Variants in NTRK3 observed in about 807,000 individuals in gnomAD.
NTRK3 encodes neurotrophic receptor tyrosine kinase 3.
Under a neutral mutation model 91.7 loss-of-function variants are expected in NTRK3, and 24 were observed. That is an observed-to-expected ratio of 0.26 (90% CI 0.19 to 0.37). The LOEUF (loss-of-function observed/expected upper bound fraction) is 0.37. Among genes scored for constraint, NTRK3 ranks in the 10% least tolerant of loss-of-function variants. NTRK3 has a pLI of 1.00. For missense variants in NTRK3, 880 were observed against 1,068.9 expected, an observed-to-expected ratio of 0.82 and a Z score of 2.46; for synonymous variants, 483 against 404.0, an observed-to-expected ratio of 1.20 and a Z score of -2.34.
At chr15:87,869,781 T>C (rs2064775955) in exon 19 of NTRK3, 1 of 202,792 alleles carries the variant, frequency 4.9e-6, no homozygotes, top group Non-Finnish European at 1.0e-5. Context: ...CTCAGAGGCA[T>C]CAGTTACATG....
At chr15:88,135,969 G>A (rs1255441554) in exon 9 of NTRK3, 1 of 1,614,114 alleles carries the variant, frequency 6.2e-7, no homozygotes, top group Admixed American at 1.7e-5. Context: ...TCAGGGTGAA[G>A]CCATTGTCCT....
intron 3 of NTRK3, among the ~76,000 whole-genome samples, chr15:88,218,278 T>C (rs2049957526): frequency 6.6e-6 from 1 of 152,084 alleles, no homozygotes; most frequent in South Asian, 2.1e-4. Context: ...ATAGAAAACC[T>C]CCTAAAGAGA....
chr15:88,161,865 TG>T (rs1567557039), intron 5 of NTRK3, among the ~76,000 whole-genome samples: 1 of 152,182 alleles, frequency 6.6e-6, no homozygotes, highest in African/African-American at 2.4e-5. Flanking sequence ...CCTGGGGGGC[TG>T]GGCATATTCA....
intron 14 of NTRK3, among the ~76,000 whole-genome samples, chr15:87,982,808 G>C (rs1230646172): frequency 2.6e-5 from 4 of 152,188 alleles, no homozygotes; most frequent in African/African-American, 9.7e-5. Context: ...ATTCAAATCT[G>C]TTTTTCTGAG....
intron 13 of NTRK3, among the ~76,000 whole-genome samples, chr15:88,035,507 C>A (rs1359117968): frequency 6.6e-6 from 1 of 152,094 alleles, no homozygotes; most frequent in Non-Finnish European, 1.5e-5. Context: ...AAATACCTCT[C>A]GGTATGGACA....
At chr15:88,171,835 A>T (rs1346163) in intron 5 of NTRK3, among the ~76,000 whole-genome samples, 1 of 152,246 alleles carries the variant, frequency 6.6e-6, no homozygotes, top group Non-Finnish European at 1.5e-5. Flanking sequence ...TCGTTCAGTC[A>T]GCCATTTGTT....
chr15:88,096,166 C>T (rs975774871), intron 13 of NTRK3, among the ~76,000 whole-genome samples: 3 of 152,098 alleles, frequency 2.0e-5, no homozygotes, highest in East Asian at 1.9e-4. Context: ...TGCTGTTCTC[C>T]GAGATGCTAA....
intron 13 of NTRK3, among the ~76,000 whole-genome samples, chr15:88,105,336 G>A (rs905106770): frequency 2.0e-5 from 3 of 152,188 alleles, no homozygotes; most frequent in African/African-American, 7.2e-5. Context: ...ATTCAAGGAA[G>A]GCCCAAGGAC....
At chr15:88,027,060 G>A (rs751462652) in intron 14 of NTRK3, among the ~76,000 whole-genome samples, 3 of 152,090 alleles carry the variant, frequency 2.0e-5, no homozygotes, top group Non-Finnish European at 4.4e-5. Context: ...GTCCTTAATA[G>A]GTTGCTTCCC....
chr15:88,116,634 C>T (rs550048702), intron 13 of NTRK3, among the ~76,000 whole-genome samples: 118 of 152,282 alleles, frequency 7.7e-4, no homozygotes, highest in African/African-American at 2.7e-3. Flanking sequence ...GCATGGTCCA[C>T]AGAGCAGCAT....
chr15:88,191,282 G>A (rs574415761), intron 3 of NTRK3, among the ~76,000 whole-genome samples: 1 of 151,912 alleles, frequency 6.6e-6, no homozygotes, highest in East Asian at 1.9e-4. Flanking sequence ...CTGCCTCCCA[G>A]GTTCAAGCAA....
chr15:88,113,985 G>T (rs1441669255), intron 13 of NTRK3, among the ~76,000 whole-genome samples: 2 of 151,976 alleles, frequency 1.3e-5, no homozygotes, highest in Non-Finnish European at 2.9e-5. Flanking sequence ...TGTGACCCAG[G>T]AATCTGCACT....
intron 13 of NTRK3, among the ~76,000 whole-genome samples, chr15:88,087,729 C>A (rs532744535): frequency 6.6e-6 from 1 of 152,190 alleles, no homozygotes; most frequent in Non-Finnish European, 1.5e-5. Context: ...GCATATGCAA[C>A]GTCACAACCT....
At chr15:88,009,432 C>T (rs2076716094) in intron 14 of NTRK3, among the ~76,000 whole-genome samples, 1 of 152,124 alleles carries the variant, frequency 6.6e-6, no homozygotes, top group African/African-American at 2.4e-5. Flanking sequence ...GAAAAAGGTC[C>T]ACTGCTTCTA....
At chr15:88,169,991 G>C (rs553894435) in intron 5 of NTRK3, among the ~76,000 whole-genome samples, 1 of 152,148 alleles carries the variant, frequency 6.6e-6, no homozygotes, top group Admixed American at 6.5e-5. Flanking sequence ...TCTACACGCT[G>C]TCTCCCTCTT....
chr15:88,057,185 A>G (rs148268771), intron 13 of NTRK3, among the ~76,000 whole-genome samples: 13 of 146,878 alleles, frequency 8.9e-5, no homozygotes, highest in African/African-American at 3.0e-4. Flanking sequence ...AAAAAAAAAG[A>G]AAAAAAGAAA....
chr15:88,059,049 A>AACAAACAC (rs2045973420), intron 13 of NTRK3, among the ~76,000 whole-genome samples: 1 of 144,622 alleles, frequency 6.9e-6, no homozygotes, highest in African/African-American at 2.6e-5. Flanking sequence ...CTCACACACA[A>AACAAACAC]ACACACACAC....
chr15:88,167,720 T>C (rs1217575540), intron 5 of NTRK3, among the ~76,000 whole-genome samples: 2 of 152,146 alleles, frequency 1.3e-5, no homozygotes, highest in South Asian at 2.1e-4. Context: ...CCCGACTCCA[T>C]GTCCTCCTGC....
chr15:88,091,597 T>C (rs2049020069), intron 13 of NTRK3, among the ~76,000 whole-genome samples: 2 of 152,180 alleles, frequency 1.3e-5, no homozygotes, highest in African/African-American at 4.8e-5. Context: ...GAATTAGTGA[T>C]ATCTGCCATG....
Sources: allele counts gnomAD v4.1 joint callset (sites outside exome capture counted in the v4.1 genomes callset), GRCh38; gene constraint gnomAD v4.1.1; transcripts MANE v1.5; gene names NCBI Gene and HGNC (gene_info 2026-07-23, HGNC 2026-07-21).